DMD: variants seen among roughly 807,000 people sequenced by gnomAD.
DMD encodes the protein mutant dystrophin.
A neutral mutation model predicts 330.1 loss-of-function variants in DMD; 63 were observed. That is an observed-to-expected ratio of 0.19 (90% CI 0.16 to 0.24). The LOEUF (loss-of-function observed/expected upper bound fraction) is 0.24, where lower values mean the gene tolerates loss of function less well. Among genes scored for constraint, DMD ranks in the 10% least tolerant of loss-of-function variants. The pLI, the probability that DMD is intolerant of heterozygous loss-of-function variation, is 1.00. For synonymous variants in DMD, 1,223 were observed against 959.8 expected (o/e 1.27, Z -5.07); for missense variants, 3,344 against 2,684.1 (o/e 1.25, Z -5.43).
intron 7 of DMD, among the ~76,000 whole-genome samples, chrX:32,726,250 G>C (rs953139399): frequency 1.8e-5 from 2 of 110,897 alleles, no homozygotes; most frequent in Non-Finnish European, 3.8e-5. Flanking sequence ...GATAGATAAG[G>C]TCATATTCAC....
chrX:31,189,710 C>T lies in DMD; in HGVS notation c.9808-6806G>A, dbSNP rs114931768. Among the ~76,000 whole-genome samples the T allele has an allele frequency of 4.6e-3, 515 of 111,831 alleles. 1 individual carries two copies. Among genetic ancestry groups the T allele is most frequent in the African/African-American group, 0.016 (499 of 30,791 alleles). On this transcript the variant is annotated intron_variant, in intron 67 of 78. Transcript: ENST00000357033. ...CTCTGTTAAAATCTGCTGAATTGAACAGTGGGTGGGAATTCAACTGCAATA... is the reference window on the plus strand; with the variant it reads ...CTCTGTTAAAATCTGCTGAATTGAATAGTGGGTGGGAATTCAACTGCAATA...
rs150473604 is a variant in DMD at position 32,097,163 on chromosome X, A to G, written c.6438+119753T>C. On this transcript the variant is annotated intron_variant, in intron 44 of 78. Transcript: ENST00000357033. Reference sequence around the variant, plus strand: ...TTTGTTACATAGGTACACATGTGCCATAGTGGTTTGCTGCACCTATGAACC... The same window carrying G: ...TTTGTTACATAGGTACACATGTGCCGTAGTGGTTTGCTGCACCTATGAACC... Among the ~76,000 whole-genome samples, 1,001 of 111,000 alleles carry G rather than the reference A, an allele frequency of 9.0e-3. 13 individuals carry two copies. The highest frequency in any genetic ancestry group is 0.031 in the African/African-American group (936 of 30,487).
chrX:33,202,046 A>C (rs144929394), intron 1 of DMD, among the ~76,000 whole-genome samples: 2,308 of 112,374 alleles, frequency 0.021, 57 homozygotes, highest in African/African-American at 0.072. Flanking sequence ...GAGAATGGGC[A>C]TGAGTTATTT....
intron 60 of DMD, among the ~76,000 whole-genome samples, chrX:31,377,356 A>G (rs982878863): frequency 1.8e-5 from 2 of 112,154 alleles, no homozygotes; most frequent in East Asian, 5.6e-4. Flanking sequence ...TGAACTGAAC[A>G]GGCTGCTTTA....
intron 63 of DMD, among the ~76,000 whole-genome samples, chrX:31,223,622 A>G (rs5971556): frequency 0.44 from 48,333 of 110,407 alleles, 8,572 homozygotes; most frequent in African/African-American, 0.66. Context: ...AATCAAATAA[A>G]TCATCCACAA....
intron 1 of DMD, among the ~76,000 whole-genome samples, chrX:33,101,776 G>T (rs1810480939): frequency 8.9e-6 from 1 of 112,555 alleles, no homozygotes; most frequent in African/African-American, 3.2e-5. Flanking sequence ...TTTCTAAAAT[G>T]AGGAAGTAAA....
chrX:31,591,407 G>A (rs2076862432), intron 55 of DMD, among the ~76,000 whole-genome samples: 1 of 111,366 alleles, frequency 9.0e-6, no homozygotes, highest in Non-Finnish European at 1.9e-5. Flanking sequence ...CCTGTGGTGT[G>A]AGCGTTTGGA....
chrX:32,700,901 G>C (rs2064064926), intron 7 of DMD, among the ~76,000 whole-genome samples: 1 of 111,755 alleles, frequency 8.9e-6, no homozygotes, highest in South Asian at 3.7e-4. Flanking sequence ...CACAAAAGCA[G>C]GTTGAACAAG....
intron 13 of DMD, among the ~76,000 whole-genome samples, chrX:32,591,953 G>A (rs1449081500): frequency 1.8e-5 from 2 of 112,816 alleles, no homozygotes; most frequent in Non-Finnish European, 1.9e-5. Flanking sequence ...CTGGTTATGT[G>A]TGTGCTCGGG....
chrX:31,978,580 G>A (rs770733447), intron 44 of DMD, among the ~76,000 whole-genome samples: 6 of 111,631 alleles, frequency 5.4e-5, no homozygotes, highest in South Asian at 7.5e-4. Flanking sequence ...CCCAAATAGC[G>A]TACATAACAT....
chrX:32,698,394 A>C (rs138649328), intron 8 of DMD, among the ~76,000 whole-genome samples: 33 of 111,787 alleles, frequency 3.0e-4, no homozygotes, highest in Non-Finnish European at 5.3e-4. Flanking sequence ...AAATTTCATA[A>C]GCTAATACAG....
intron 44 of DMD, among the ~76,000 whole-genome samples, chrX:32,154,743 T>C (rs958060982): frequency 9.0e-6 from 1 of 111,450 alleles, no homozygotes; most frequent in Admixed American, 9.6e-5. Context: ...GAAAATTTAA[T>C]GTAAGCACTG....
At chrX:32,019,020 A>T (rs187310263) in intron 44 of DMD, among the ~76,000 whole-genome samples, 11 of 111,514 alleles carry the variant, frequency 9.9e-5, no homozygotes, top group Non-Finnish European at 1.9e-4. Context: ...CACCTTGAAA[A>T]ATATTAACCC....
Position 32,554,939 on chromosome X carries a change from A to AAGAG in DMD, c.1993-9609_1993-9606dup, listed in dbSNP as rs1175814446. 7.2e-3 allele frequency among the ~76,000 whole-genome samples: 198 copies of AAGAG among 27,619 alleles called. 20 individuals carry two copies. The highest frequency in any genetic ancestry group is 8.8e-3 in the Non-Finnish European group (162 of 18,323). 24.0% of individuals were successfully genotyped at this position (27,619 alleles called of 115,157 possible). A position where few individuals can be genotyped will look rare whatever the true frequency, so the allele number is the denominator to read the frequency against. On this transcript the variant is annotated intron_variant, in intron 16 of 78. Transcript: ENST00000357033. ...AAAGAAAGAAAGAAAGAAAGAAAGAAAGAGAGAGAGAGGGAGAGAGAAAGA... is the reference window on the plus strand; with the variant it reads ...AAAGAAAGAAAGAAAGAAAGAAAGAAAGAGAGAGAGAGAGAGGGAGAGAGAAAGA...
chrX:32,697,834 T>C, intron 9 of DMD, 36 bp downstream of exon 9: 1 of 1,209,005 alleles, frequency 8.3e-7, no homozygotes, highest in Non-Finnish European at 1.1e-6. Flanking sequence ...GAAGCAGTTC[T>C]CTGGTTTGTA....
intron 63 of DMD, among the ~76,000 whole-genome samples, chrX:31,224,561 A>C (rs2046397185): frequency 8.9e-6 from 1 of 112,226 alleles, no homozygotes; most frequent in Non-Finnish European, 1.9e-5. Context: ...AATGTACGAC[A>C]ACTTTGGGAA....
At position 32,070,837 on chromosome X, in the gene DMD, G is replaced by A. The variant is rs761428075; in HGVS notation, c.6439-102323C>T. On this transcript the variant is annotated intron_variant, in intron 44 of 78. Transcript: ENST00000357033. ...ACTTGGGGGGTAGAAAAGGGGTGCC[G>A]AGGGACAAAAGATAACATATATGGT... is the stretch of plus-strand genomic sequence containing the variant. 4.5e-5 allele frequency among the ~76,000 whole-genome samples: 5 copies of A among 110,798 alleles called. No homozygotes were observed. The South Asian group carries it at 1.9e-3, about 42-fold the overall frequency.
intron 1 of DMD, among the ~76,000 whole-genome samples, chrX:33,281,459 G>A (rs572374846): frequency 1.7e-4 from 19 of 111,271 alleles, no homozygotes; most frequent in African/African-American, 5.6e-4. Flanking sequence ...TCCGGTCGCC[G>A]GGGTCTCCCA....
At chrX:32,013,395 T>C (rs1217224474) in intron 44 of DMD, among the ~76,000 whole-genome samples, 1 of 111,618 alleles carries the variant, frequency 9.0e-6, no homozygotes, top group Non-Finnish European at 1.9e-5. Flanking sequence ...AATTCATCTT[T>C]CTTTTTATAA....
Sources: gnomAD v4.1 joint callset for allele counts (sites outside exome capture counted in the v4.1 genomes callset) on GRCh38, gnomAD v4.1.1 for gene constraint, MANE v1.5 for transcripts, NCBI Gene and HGNC (gene_info 2026-07-23, HGNC 2026-07-21) for gene names.